The following TMEM40 variants were observed in gnomAD, a reference collection of about 807,000 sequenced individuals.
The protein encoded by TMEM40 is transmembrane protein 40.
In TMEM40, 34 loss-of-function variants were observed where a neutral mutation model predicts 40.8. That is an observed-to-expected ratio of 0.83 (90% CI 0.63 to 1.11). The LOEUF (loss-of-function observed/expected upper bound fraction) is 1.11, where lower values mean the gene tolerates loss of function less well. Ranked by LOEUF, TMEM40 falls within the 50% of genes least tolerant of loss-of-function variation. TMEM40 has a pLI of 0.00. For synonymous variants in TMEM40, 106 were observed against 107.0 expected (o/e 0.99, Z 0.06); for missense variants, 296 against 280.2 (o/e 1.06, Z -0.40).
At chr3:12,748,849 A>G in intron 2 of TMEM40, 57 bp from the exon 3 acceptor site, 3 of 1,499,176 alleles carry the variant, frequency 2.0e-6, no homozygotes, top group Non-Finnish European at 2.7e-6. Context: ...CACCCCAGGG[A>G]CCACCCAGTC....
chr3:12,755,233 C>CTCTCTGTCTTTCTTTCTTTCTT (rs1553634013), intron 1 of TMEM40, among the ~76,000 whole-genome samples: 2 of 59,964 alleles, frequency 3.3e-5, no homozygotes, highest in African/African-American at 7.1e-5. Context: ...CTCTCTCTCT[C>CTCTCTGTCTTTCTTTCTTTCTT]TCTTTCTTTC....
At chr3:12,738,700 G>C (rs143626159) in intron 5 of TMEM40, 112 bp from the exon 6 acceptor site, 2 of 1,177,288 alleles carry the variant, frequency 1.7e-6, no homozygotes, top group Non-Finnish European at 2.5e-6. Context: ...ATCTGGAGTC[G>C]GCCAGGTGGG....
intron 1 of TMEM40, among the ~76,000 whole-genome samples, chr3:12,756,882 A>G (rs533390624): frequency 2.2e-4 from 33 of 151,898 alleles, no homozygotes; most frequent in African/African-American, 7.5e-4. Flanking sequence ...ACACACACAT[A>G]CACACACACA....
At chr3:12,757,239 G>A (rs2061536046) in intron 1 of TMEM40, among the ~76,000 whole-genome samples, 3 of 152,164 alleles carry the variant, frequency 2.0e-5, no homozygotes, top group Admixed American at 6.5e-5. Flanking sequence ...GGAGGCTGAG[G>A]CGGGCGGATC....
At position 12,738,256 on chromosome 3, in the gene TMEM40, T is replaced by TA. The variant is rs2061352990; in HGVS notation, c.392-89dup. 5 of 1,445,540 alleles carry TA rather than the reference T, an allele frequency of 3.5e-6. No individual in the cohort carries two copies. The South Asian group carries it at 4.7e-5, about 14-fold the overall frequency. The allele number at this position is 1,445,540 out of a possible 1,614,324, so 89.5% of individuals were successfully genotyped here. ...ACCCTGGGGAAGGCTATAGGTGACC[T>TA]AAAAAAATGTCCCCATGGAATTCTG... On this transcript the variant is annotated intron_variant, in intron 6 of 11. Transcript: ENST00000314124.
chr3:12,760,981 TCCGG>T (rs1414047366), upstream of TMEM40, among the ~76,000 whole-genome samples: 1 of 152,216 alleles, frequency 6.6e-6, no homozygotes, highest in Non-Finnish European at 1.5e-5. Context: ...CAAGCGATCC[TCCGG>T]CCTTGGCCCC....
At chr3:12,759,302 G>A (rs1166836240), upstream of TMEM40, 1 of 152,408 alleles carries the variant, frequency 6.6e-6, no homozygotes, top group Non-Finnish European at 1.5e-5. Context: ...AGCAAGGAGG[G>A]CGGGACTACC....
intron 3 of TMEM40, among the ~76,000 whole-genome samples, chr3:12,746,886 A>G (rs1473159372): frequency 6.6e-6 from 1 of 152,130 alleles, no homozygotes; most frequent in East Asian, 1.9e-4. Flanking sequence ...GAACCAGAGG[A>G]CGGAACACTC....
At chr3:12,736,717 A>T (rs1405554460) in intron 9 of TMEM40, 47 bp downstream of exon 9, 1 of 1,613,074 alleles carries the variant, frequency 6.2e-7, no homozygotes, top group Non-Finnish European at 8.5e-7. Context: ...CCCCTGCACC[A>T]CCCCATGCCA....
At chr3:12,756,649 C>G (rs1007277414) in intron 1 of TMEM40, among the ~76,000 whole-genome samples, 2 of 152,178 alleles carry the variant, frequency 1.3e-5, no homozygotes, top group East Asian at 3.8e-4. Flanking sequence ...AGTGTTGAGT[C>G]AAACACCAAA....
At chr3:12,742,390 C>G (rs1284985967) in intron 5 of TMEM40, 64 bp downstream of exon 5, 1 of 1,577,338 alleles carries the variant, frequency 6.3e-7, no homozygotes, top group South Asian at 1.1e-5. Flanking sequence ...CTTGTTTCTG[C>G]CCAGCAAAGC....
chr3:12,757,802 G>A (rs1241296865), intron 1 of TMEM40, among the ~76,000 whole-genome samples: 1 of 152,180 alleles, frequency 6.6e-6, no homozygotes. Context: ...GTTTATAGCA[G>A]CATTACACAT....
chr3:12,768,746 C>CTG (rs1394552533), intron 1 of TMEM40, among the ~76,000 whole-genome samples: 16 of 152,168 alleles, frequency 1.1e-4, no homozygotes, highest in Non-Finnish European at 2.1e-4. Flanking sequence ...GGATCCCGCA[C>CTG]CGGGGGCCGC....
At position 12,748,723 on chromosome 3, in the gene TMEM40, T is replaced by C. The variant is rs759617035; in HGVS notation, c.143A>G (p.Asn48Ser). The C allele has an allele frequency of 1.7e-5, 28 of 1,614,038 alleles. No individual in the cohort carries two copies. The highest frequency in any genetic ancestry group is 1.9e-5 in the Non-Finnish European group (22 of 1,180,026). Residue 48 changes from asparagine (N) to serine (S), a missense_variant, in exon 3 of 12, where the codon AAC (asparagine) becomes AGC (serine). Transcript: ENST00000314124. ...AGAGGAGGAGGAGGAAGAAGACTTG[T>C]TTCTCTCATATTGTTCTTGGGAAAA... is the stretch of plus-strand genomic sequence containing the variant. Reference protein sequence around the residue: ...GLFSQEQYERNKSSSSSSSSS... With the variant: ...GLFSQEQYERSKSSSSSSSSS...
intron 10 of TMEM40, 73 bp from the exon 11 acceptor site, chr3:12,735,690 G>T: frequency 1.5e-6 from 2 of 1,306,630 alleles, no homozygotes; most frequent in Non-Finnish European, 2.2e-6. Flanking sequence ...CACTGGACAA[G>T]GGCCTAACTC....
intron 1 of TMEM40, among the ~76,000 whole-genome samples, chr3:12,753,211 C>CTTTCTTTTTT (rs1559532113): frequency 1.3e-5 from 1 of 76,292 alleles, no homozygotes; most frequent in African/African-American, 5.5e-5. Context: ...TTCTTTCTTT[C>CTTTCTTTTTT]TTTTTTTTTT....
At chr3:12,761,027 G>A (rs1165996820), upstream of TMEM40, among the ~76,000 whole-genome samples, 1 of 152,260 alleles carries the variant, frequency 6.6e-6, no homozygotes, top group East Asian at 1.9e-4. Context: ...GTAAGCCACT[G>A]CATCTGGCCC....
intron 3 of TMEM40, among the ~76,000 whole-genome samples, chr3:12,745,598 G>A (rs1318792430): frequency 6.6e-6 from 1 of 151,956 alleles, no homozygotes; most frequent in African/African-American, 2.4e-5. Flanking sequence ...ATAGGTATGT[G>A]CCACCATGCC....
chr3:12,755,223 CTCTCTCTCTCTCTTTCTT>C (rs1559533266), intron 1 of TMEM40, among the ~76,000 whole-genome samples: 6 of 85,732 alleles, frequency 7.0e-5, no homozygotes, highest in African/African-American at 4.3e-4. Context: ...TTCTCTCTCT[CTCTCTCTCTCTCTTTCTT>C]TCTTTCTTTC....
Sources: gnomAD v4.1 joint callset for allele counts (sites outside exome capture counted in the v4.1 genomes callset) on GRCh38, gnomAD v4.1.1 for gene constraint, MANE v1.5 for transcripts, NCBI Gene and HGNC (gene_info 2026-07-23, HGNC 2026-07-21) for gene names.